Variants in NRG3 observed in about 807,000 individuals in gnomAD.
The protein encoded by NRG3 is neuregulin 3.
Under a neutral mutation model 66.9 loss-of-function variants are expected in NRG3, and 31 were observed. The observed-to-expected ratio is 0.46, with a 90% CI of 0.35 to 0.63. The LOEUF (loss-of-function observed/expected upper bound fraction) is 0.63. Ranked by LOEUF, NRG3 falls within the 20% of genes least tolerant of loss-of-function variation. The probability of loss-of-function intolerance (pLI) is 0.00; values close to 1 mark genes in which losing one functional copy is unlikely to be tolerated. For missense variants in NRG3, 910 were observed against 878.9 expected, an observed-to-expected ratio of 1.04 and a Z score of -0.45; for synonymous variants, 393 against 359.4, an observed-to-expected ratio of 1.09 and a Z score of -1.06.
intron 3 of NRG3, among the ~76,000 whole-genome samples, chr10:82,852,689 G>T (rs2063620300): frequency 6.6e-6 from 1 of 152,146 alleles, no homozygotes; most frequent in South Asian, 2.1e-4. Flanking sequence ...ATGGCTAAGT[G>T]ATGTAAAATT....
At chr10:82,980,061 T>C (rs1852690393) in intron 8 of NRG3, among the ~76,000 whole-genome samples, 1 of 151,814 alleles carries the variant, frequency 6.6e-6, no homozygotes, top group Admixed American at 6.6e-5. Flanking sequence ...AAAAATTAGC[T>C]GGGCATGGTA....
intron 2 of NRG3, among the ~76,000 whole-genome samples, chr10:82,641,013 T>G (rs2050539664): frequency 1.0e-4 from 1 of 9,820 alleles, no homozygotes; most frequent in Non-Finnish European, 2.3e-4. Flanking sequence ...GTCTGTCGTT[T>G]TTTTTTTTTT....
At chr10:82,948,151 G>A (rs1306858636) in intron 4 of NRG3, among the ~76,000 whole-genome samples, 1 of 151,974 alleles carries the variant, frequency 6.6e-6, no homozygotes, top group African/African-American at 2.4e-5. Flanking sequence ...TACTATTGAT[G>A]CAATGTCATT....
In NRG3 at chr10:81,971,340, T is replaced by A. The variant is rs1398109321; in HGVS notation, c.823+95177T>A. Among the ~76,000 whole-genome samples the A allele has an allele frequency of 2.0e-5, 3 of 152,194 alleles. No individual in the cohort carries two copies. The East Asian group carries it at 5.8e-4, about 29-fold the overall frequency. ...CTTGGCATATGGGTGGTATAGAAGA[T>A]GTTGTAAAGGTGAGGACGAATTTCT... On this transcript the variant is annotated intron_variant, in intron 1 of 8. Coordinates refer to ENST00000372141, the MANE Select transcript of NRG3 (RefSeq NM_001010848.4).
chr10:82,502,492 T>C (rs1359433429), intron 2 of NRG3, among the ~76,000 whole-genome samples: 2 of 152,228 alleles, frequency 1.3e-5, no homozygotes, highest in Admixed American at 6.5e-5. Context: ...TAAAGAGCAA[T>C]TGAAATTTTA....
intron 2 of NRG3, among the ~76,000 whole-genome samples, chr10:82,453,018 A>G (rs2091094963): frequency 6.6e-6 from 1 of 152,140 alleles, no homozygotes; most frequent in East Asian, 1.9e-4. Context: ...ATACTCTAAA[A>G]GAGGAGTATG....
chr10:82,112,411 G>A (rs1174279929), intron 1 of NRG3, among the ~76,000 whole-genome samples: 1 of 152,036 alleles, frequency 6.6e-6, no homozygotes, highest in Non-Finnish European at 1.5e-5. Context: ...GAGGGAACAG[G>A]CCTCATAGGA....
intron 2 of NRG3, among the ~76,000 whole-genome samples, chr10:82,685,136 G>GC (rs758742258): frequency 1.4e-5 from 2 of 146,932 alleles, no homozygotes; most frequent in East Asian, 1.9e-4. Context: ...AATAGACAGA[G>GC]GCCCCCCCCA....
At chr10:82,409,428 G>A (rs561580184) in intron 2 of NRG3, among the ~76,000 whole-genome samples, 18 of 152,140 alleles carry the variant, frequency 1.2e-4, no homozygotes, top group Non-Finnish European at 2.5e-4. Context: ...GATTTGGGGA[G>A]TGGAAAGGGA....
chr10:81,940,941 T>G (rs985350762), intron 1 of NRG3, among the ~76,000 whole-genome samples: 1 of 152,106 alleles, frequency 6.6e-6, no homozygotes, highest in African/African-American at 2.4e-5. Context: ...CTTGTGTGTC[T>G]GTGATATATG....
intron 2 of NRG3, among the ~76,000 whole-genome samples, chr10:82,573,400 C>T (rs1040140555): frequency 4.6e-5 from 7 of 151,724 alleles, no homozygotes; most frequent in African/African-American, 1.7e-4. Flanking sequence ...TTTCTTATAT[C>T]AAATTTGCAG....
At chr10:82,885,863 A>G (rs1451361603) in intron 4 of NRG3, among the ~76,000 whole-genome samples, 1 of 142,920 alleles carries the variant, frequency 7.0e-6, no homozygotes, top group South Asian at 2.2e-4. Flanking sequence ...CGCCTGGCCT[A>G]TTTTTTTTTT....
In NRG3 at chr10:82,951,581, T is replaced by C; in HGVS notation, c.1157+10T>C. 6.2e-7 allele frequency: 1 copy of C among 1,607,618 alleles called. No homozygotes were observed. The highest frequency in any genetic ancestry group is 8.5e-7 in the Non-Finnish European group (1 of 1,174,372). On this transcript the variant is annotated intron_variant, in intron 5 of 8. Coordinates refer to ENST00000372141, the MANE Select transcript of NRG3 (RefSeq NM_001010848.4). The stretch of plus-strand genomic sequence containing the variant: ...TCTACTTCAAAAGCAAGTAAGACTA[T>C]TTCTCTCAAGTGTTTAAAGGTTACT...
chr10:82,457,354 C>T (rs2091312870), intron 2 of NRG3, among the ~76,000 whole-genome samples: 1 of 152,148 alleles, frequency 6.6e-6, no homozygotes, highest in African/African-American at 2.4e-5. Flanking sequence ...ATAAGGAACA[C>T]ATAGCCTAGA....
chr10:82,199,086 TG>T (rs1343255605), intron 1 of NRG3, among the ~76,000 whole-genome samples: 1 of 149,444 alleles, frequency 6.7e-6, no homozygotes, highest in African/African-American at 2.5e-5. Flanking sequence ...GGAGAATTGT[TG>T]GAACCTGGGA....
intron 2 of NRG3, among the ~76,000 whole-genome samples, chr10:82,736,962 T>C (rs764581581): frequency 2.4e-4 from 36 of 152,260 alleles, no homozygotes; most frequent in Non-Finnish European, 4.3e-4. Flanking sequence ...GAAAGCACCA[T>C]GGTACGATAA....
At chr10:82,624,585 T>C (rs1237221537) in intron 2 of NRG3, among the ~76,000 whole-genome samples, 1 of 151,944 alleles carries the variant, frequency 6.6e-6, no homozygotes, top group African/African-American at 2.4e-5. Flanking sequence ...TATTTATCAA[T>C]TAAAATTGTG....
At chr10:82,558,481 C>A (rs2044797550) in intron 2 of NRG3, among the ~76,000 whole-genome samples, 1 of 152,116 alleles carries the variant, frequency 6.6e-6, no homozygotes, top group Non-Finnish European at 1.5e-5. Context: ...GGCCCCACCT[C>A]CTATTGCATA....
chr10:82,098,279 T>C (rs959581871), intron 1 of NRG3, among the ~76,000 whole-genome samples: 1 of 151,438 alleles, frequency 6.6e-6, no homozygotes, highest in Non-Finnish European at 1.5e-5. Flanking sequence ...GTCATATATA[T>C]ATGTCATTTA....
Sources: allele counts gnomAD v4.1 joint callset (sites outside exome capture counted in the v4.1 genomes callset), GRCh38; gene constraint gnomAD v4.1.1; transcripts MANE v1.5; gene names NCBI Gene and HGNC (gene_info 2026-07-23, HGNC 2026-07-21).